Variants in ELF2 observed in about 807,000 individuals in gnomAD.
ELF2 encodes E74 like ETS transcription factor 2, also known as ETS-related transcription factor Elf-2.
In ELF2, 11 loss-of-function variants were observed where a neutral mutation model predicts 54.8. The observed-to-expected ratio is 0.20, with a 90% CI of 0.13 to 0.33. The LOEUF is 0.33. ELF2 is among the 10% of genes least tolerant of loss of function. ELF2 has a pLI of 1.00. For synonymous variants in ELF2, 203 were observed against 245.1 expected (o/e 0.83, Z 1.61); for missense variants, 513 against 703.0 (o/e 0.73, Z 3.06).
chr4:139,173,009 A>G (rs1742475529), intron 1 of ELF2, among the ~76,000 whole-genome samples: 1 of 152,000 alleles, frequency 6.6e-6, no homozygotes, highest in Admixed American at 6.6e-5. Context: ...ATGCTAAGTG[A>G]AAGAAGCCAG....
intron 3 of ELF2, among the ~76,000 whole-genome samples, chr4:139,133,252 G>A (rs1350025155): frequency 6.6e-6 from 1 of 152,108 alleles, no homozygotes; most frequent in South Asian, 2.1e-4. Flanking sequence ...GATAAGGAGA[G>A]GTTTAGCTGC....
chr4:139,163,607 ATT>A, intron 1 of ELF2, among the ~76,000 whole-genome samples: 1 of 152,230 alleles, frequency 6.6e-6, no homozygotes. Context: ...TGAAGGATGA[ATT>A]TATTAAAGAA....
chr4:139,145,628 G>A (rs540993043), intron 1 of ELF2, among the ~76,000 whole-genome samples: 8 of 152,276 alleles, frequency 5.3e-5, no homozygotes, highest in Admixed American at 4.6e-4. Flanking sequence ...GAACATAGAT[G>A]TAAAAATCCT....
chr4:139,060,264 T>C, intron 9 of ELF2, 60 bp downstream of exon 9: 2 of 1,426,900 alleles, frequency 1.4e-6, no homozygotes, highest in Admixed American at 2.8e-5. Context: ...CATTTTGTTT[T>C]CACCACGGAG....
chr4:139,073,387 A>G, intron 5 of ELF2, 67 bp downstream of exon 5: 1 of 1,181,634 alleles, frequency 8.5e-7, no homozygotes, highest in Non-Finnish European at 1.2e-6. Context: ...TAAAAAAACA[A>G]AAAACTTTAT....
At chr4:139,169,627 G>C (rs1285237452) in intron 1 of ELF2, among the ~76,000 whole-genome samples, 1 of 152,110 alleles carries the variant, frequency 6.6e-6, no homozygotes, top group Admixed American at 6.5e-5. Context: ...GGAGGCCCAG[G>C]TGGGAGGATC....
chr4:139,155,978 T>C (rs1304669866), intron 1 of ELF2, among the ~76,000 whole-genome samples: 1 of 145,626 alleles, frequency 6.9e-6, no homozygotes, highest in East Asian at 2.0e-4. Context: ...GGAAGAGAAC[T>C]TACAGCTCAT....
intron 4 of ELF2, among the ~76,000 whole-genome samples, chr4:139,101,318 C>A (rs1733859620): frequency 6.6e-6 from 1 of 152,170 alleles, no homozygotes; most frequent in South Asian, 2.1e-4. Context: ...CCACACACAT[C>A]ACAGGTCATC....
chr4:139,165,406 G>A (rs962016001), intron 1 of ELF2, among the ~76,000 whole-genome samples: 2 of 152,208 alleles, frequency 1.3e-5, no homozygotes, highest in African/African-American at 4.8e-5. Context: ...GCTCATGCCT[G>A]TAATCCCAGC....
At chr4:139,067,647 A>G (rs1728906187) in intron 7 of ELF2, 37 bp downstream of exon 7, 5 of 1,603,414 alleles carry the variant, frequency 3.1e-6, no homozygotes, top group South Asian at 2.2e-5. Flanking sequence ...ACTGAAAAAA[A>G]ATCATCTCAC....
At chr4:139,081,454 A>G (rs1731102511) in intron 4 of ELF2, among the ~76,000 whole-genome samples, 1 of 152,192 alleles carries the variant, frequency 6.6e-6, no homozygotes, top group Non-Finnish European at 1.5e-5. Context: ...CCTAAAGCTT[A>G]TCTCCTCTAG....
intron 1 of ELF2, chr4:139,155,148 C>T (rs888746041): frequency 1.3e-5 from 2 of 152,178 alleles, no homozygotes; most frequent in Non-Finnish European, 2.9e-5. Context: ...AATATAGTAC[C>T]AGATGTGGTG....
At chr4:139,079,100 AT>A (rs528903734) in intron 4 of ELF2, among the ~76,000 whole-genome samples, 51 of 145,430 alleles carry the variant, frequency 3.5e-4, no homozygotes, top group East Asian at 1.4e-3. Flanking sequence ...TAATTTTTTG[AT>A]TTTTTTTTTT....
At chr4:139,153,798 C>T (rs746747558) in intron 1 of ELF2, among the ~76,000 whole-genome samples, 1 of 152,210 alleles carries the variant, frequency 6.6e-6, no homozygotes, top group Non-Finnish European at 1.5e-5. Context: ...TGACTGATTC[C>T]TCTGTTTACT....
At chr4:139,097,088 T>C (rs926809488) in intron 4 of ELF2, among the ~76,000 whole-genome samples, 6 of 152,230 alleles carry the variant, frequency 3.9e-5, no homozygotes, top group Admixed American at 3.9e-4. Context: ...GCTCATTATA[T>C]CAATCTTTCT....
intron 1 of ELF2, among the ~76,000 whole-genome samples, chr4:139,159,589 G>A (rs1336387354): frequency 1.3e-5 from 2 of 152,112 alleles, no homozygotes; most frequent in East Asian, 1.9e-4. Context: ...CCTGAGCCAT[G>A]GGATCTGATG....
At chr4:139,139,306 T>A in intron 2 of ELF2, 107 bp downstream of exon 2, 1 of 529,350 alleles carries the variant, frequency 1.9e-6, no homozygotes, top group Non-Finnish European at 2.8e-6. Flanking sequence ...AAAGTCTTTG[T>A]ATCTTAAGAA....
intron 4 of ELF2, among the ~76,000 whole-genome samples, chr4:139,097,605 A>C (rs1733415776): frequency 6.6e-6 from 1 of 150,702 alleles, no homozygotes; most frequent in Non-Finnish European, 1.5e-5. Flanking sequence ...TGACGGAGCA[A>C]GACTCTGTCT....
At chr4:139,174,008 G>A (rs1003607780) in intron 1 of ELF2, among the ~76,000 whole-genome samples, 3 of 150,706 alleles carry the variant, frequency 2.0e-5, no homozygotes, top group East Asian at 2.0e-4. Flanking sequence ...CGGATCACGA[G>A]GTCAGGAGAT....
Sources: gnomAD v4.1 joint callset for allele counts (sites outside exome capture counted in the v4.1 genomes callset) on GRCh38, gnomAD v4.1.1 for gene constraint, MANE v1.5 for transcripts, NCBI Gene and HGNC (gene_info 2026-07-23, HGNC 2026-07-21) for gene names.